The following CNTNAP2 variants were observed in gnomAD, a reference collection of about 807,000 sequenced individuals.
CNTNAP2 encodes the protein contactin-associated protein-like 2.
A neutral mutation model predicts 155.2 loss-of-function variants in CNTNAP2; 98 were observed. That is an observed-to-expected ratio of 0.63 (90% CI 0.54 to 0.75). The LOEUF is 0.75. Among genes scored for constraint, CNTNAP2 ranks in the 30% least tolerant of loss-of-function variants. The pLI, the probability that CNTNAP2 is intolerant of heterozygous loss-of-function variation, is 0.00. For missense variants in CNTNAP2, 1,727 were observed against 1,688.1 expected (o/e 1.02, Z -0.40); for synonymous variants, 651 against 631.2 (o/e 1.03, Z -0.47).
chr7:146,951,135 G>T (rs954041610), intron 3 of CNTNAP2, among the ~76,000 whole-genome samples: 3 of 152,006 alleles, frequency 2.0e-5, no homozygotes, highest in African/African-American at 7.3e-5. Context: ...ACTTTTTGAT[G>T]GGCTTGTTTG....
chr7:146,979,202 A>G (rs1033467876), intron 3 of CNTNAP2, among the ~76,000 whole-genome samples: 5 of 152,082 alleles, frequency 3.3e-5, no homozygotes, highest in African/African-American at 1.2e-4. Context: ...TGCCCTGTGT[A>G]TTTAAAACCT....
chr7:146,529,965 AAACAACAACAACAACAAC>A (rs59533423), intron 1 of CNTNAP2, among the ~76,000 whole-genome samples: 1 of 150,524 alleles, frequency 6.6e-6, no homozygotes, highest in Non-Finnish European at 1.5e-5. Context: ...CTCCGTCTCA[AAACAACAACAACAACAAC>A]AACAACAACA....
At chr7:147,925,283 A>AGCGT (rs1554450431) in intron 14 of CNTNAP2, among the ~76,000 whole-genome samples, 2 of 90,696 alleles carry the variant, frequency 2.2e-5, no homozygotes, top group Non-Finnish European at 3.9e-5. Context: ...AACACACACA[A>AGCGT]GCGCGCGCGC....
rs1041001526 is a variant in CNTNAP2, at chr7:147,408,307, G to A, written c.1670+12527G>A. Among the ~76,000 whole-genome samples the A allele has an allele frequency of 2.0e-5, 3 of 152,186 alleles. No individual in the cohort carries two copies. In the South Asian group the frequency reaches 6.2e-4, roughly 32 times the overall value. ...TGGAGATGGCAGAGGAGCAGTTCAA[G>A]GCACATGCTATAGGCATTCCAGGGA... On this transcript the variant is annotated intron_variant, in intron 10 of 23. Coordinates refer to ENST00000361727, the MANE Select transcript of CNTNAP2 (RefSeq NM_014141.6).
chr7:146,620,606 G>A (rs1216759168), intron 1 of CNTNAP2, among the ~76,000 whole-genome samples: 4 of 152,036 alleles, frequency 2.6e-5, no homozygotes, highest in African/African-American at 9.7e-5. Flanking sequence ...AACACCTTTA[G>A]CCTTTTTTAA....
intron 4 of CNTNAP2, among the ~76,000 whole-genome samples, chr7:147,093,098 G>T (rs1030554297): frequency 6.6e-6 from 1 of 151,056 alleles, no homozygotes; most frequent in East Asian, 2.0e-4. Flanking sequence ...TATATTAGCC[G>T]GGCGTGGTGG....
chr7:146,656,351 G>T (rs112555443), intron 1 of CNTNAP2, among the ~76,000 whole-genome samples: 4 of 152,142 alleles, frequency 2.6e-5, no homozygotes, highest in Non-Finnish European at 5.9e-5. Flanking sequence ...TCACTGAATC[G>T]TGAAAATTAG....
intron 3 of CNTNAP2, among the ~76,000 whole-genome samples, chr7:146,896,574 T>C (rs967741903): frequency 6.6e-6 from 1 of 152,148 alleles, no homozygotes; most frequent in Non-Finnish European, 1.5e-5. Flanking sequence ...TTTTGTTGGC[T>C]GATCAACAAA....
intron 14 of CNTNAP2, among the ~76,000 whole-genome samples, chr7:147,924,737 C>T (rs1360442702): frequency 6.6e-6 from 1 of 152,102 alleles, no homozygotes; most frequent in Non-Finnish European, 1.5e-5. Context: ...TAAGCCCAGT[C>T]TTAGACTGTC....
intron 3 of CNTNAP2, among the ~76,000 whole-genome samples, chr7:147,037,195 A>C (rs1799166352): frequency 6.6e-6 from 1 of 152,102 alleles, no homozygotes; most frequent in East Asian, 1.9e-4. Flanking sequence ...ACTATATTAG[A>C]TGTACTATCT....
chr7:147,354,045 A>T (rs1033990353), intron 9 of CNTNAP2, among the ~76,000 whole-genome samples: 1 of 151,870 alleles, frequency 6.6e-6, no homozygotes, highest in African/African-American at 2.4e-5. Flanking sequence ...GCTCTTTATC[A>T]TATGGATAGA....
At chr7:146,503,684 A>G (rs1024393281) in intron 1 of CNTNAP2, among the ~76,000 whole-genome samples, 10 of 152,200 alleles carry the variant, frequency 6.6e-5, no homozygotes, top group Non-Finnish European at 1.2e-4. Flanking sequence ...CCACTTATTG[A>G]AGAGACTGTA....
At chr7:146,454,679 TA>T (rs1419319768) in intron 1 of CNTNAP2, among the ~76,000 whole-genome samples, 1 of 152,018 alleles carries the variant, frequency 6.6e-6, no homozygotes, top group African/African-American at 2.4e-5. Context: ...AAGGCAGCTA[TA>T]TTGATTGCAT....
At chr7:148,331,749 AACGGACGGATG>A (rs1563046044) in intron 21 of CNTNAP2, among the ~76,000 whole-genome samples, 2 of 109,874 alleles carry the variant, frequency 1.8e-5, no homozygotes, top group Admixed American at 8.8e-5. Flanking sequence ...GGATGGATGG[AACGGACGGATG>A]GATTGGATGG....
chr7:146,468,632 T>TG (rs552993425), intron 1 of CNTNAP2, among the ~76,000 whole-genome samples: 122 of 152,294 alleles, frequency 8.0e-4, no homozygotes, highest in Non-Finnish European at 1.3e-3. Flanking sequence ...ACATAGTTTT[T>TG]TTTGTTTGTT....
At chr7:147,346,148 A>ATTTTT (rs1190332134) in intron 9 of CNTNAP2, among the ~76,000 whole-genome samples, 3 of 21,884 alleles carry the variant, frequency 1.4e-4, no homozygotes, top group Non-Finnish European at 2.3e-4. Context: ...ATTTTATTTT[A>ATTTTT]TTTTATTTTT....
chr7:146,907,569 G>A (rs2129215621), intron 3 of CNTNAP2, among the ~76,000 whole-genome samples: 1 of 143,642 alleles, frequency 7.0e-6, no homozygotes, highest in Middle Eastern at 3.6e-3. Context: ...AAGTGAAGGA[G>A]AAATAAAATA....
At chr7:146,157,696 T>C (rs999617629) in intron 1 of CNTNAP2, among the ~76,000 whole-genome samples, 2 of 152,170 alleles carry the variant, frequency 1.3e-5, no homozygotes, top group African/African-American at 2.4e-5. Flanking sequence ...GAGGGGCGTC[T>C]GCCACTGCTG....
intron 1 of CNTNAP2, among the ~76,000 whole-genome samples, chr7:146,701,568 A>G (rs1483443379): frequency 1.3e-5 from 2 of 152,168 alleles, no homozygotes. Context: ...TTTAGAGTTT[A>G]ATACTTGATA....
Sources: gnomAD v4.1 joint callset for allele counts (sites outside exome capture counted in the v4.1 genomes callset) on GRCh38, gnomAD v4.1.1 for gene constraint, MANE v1.5 for transcripts, NCBI Gene and HGNC (gene_info 2026-07-23, HGNC 2026-07-21) for gene names.